The following MFSD11 variants were observed in gnomAD, a reference collection of about 807,000 sequenced individuals.
MFSD11 encodes UNC93-like protein MFSD11.
MFSD11 carries 36 observed loss-of-function variants against 53.5 expected under a neutral mutation model. That is an observed-to-expected ratio of 0.67 (90% CI 0.52 to 0.89). The LOEUF is 0.89. MFSD11 is among the 40% of genes least tolerant of loss of function. The pLI, the probability that MFSD11 is intolerant of heterozygous loss-of-function variation, is 0.00. For synonymous variants in MFSD11, 186 were observed against 184.9 expected (o/e 1.01, Z -0.05); for missense variants, 530 against 543.9 (o/e 0.97, Z 0.25).
chr17:76,803,193 A>C, the MFSD11 span, among the ~76,000 whole-genome samples: 1 of 151,938 alleles, frequency 6.6e-6, no homozygotes, highest in Non-Finnish European at 1.5e-5. Context: ...ACAAAAAAAA[A>C]CCCAAAGCAA....
At chr17:76,794,952 C>G in the MFSD11 span, among the ~76,000 whole-genome samples, 2 of 151,322 alleles carry the variant, frequency 1.3e-5, no homozygotes, top group South Asian at 4.2e-4. Context: ...CCTCGGCCTT[C>G]AAAAGTGATG....
intron 7 of MFSD11, among the ~76,000 whole-genome samples, chr17:76,749,919 T>C (rs1169427361): frequency 1.4e-5 from 2 of 138,800 alleles, no homozygotes; most frequent in African/African-American, 5.4e-5. Flanking sequence ...AGAGAAGCAA[T>C]AGAGAAATAT....
the MFSD11 span, among the ~76,000 whole-genome samples, chr17:76,792,311 G>T: frequency 1.3e-5 from 2 of 151,068 alleles, no homozygotes; most frequent in Admixed American, 1.3e-4. Flanking sequence ...TAGAGAGGGG[G>T]TTTCACTATG....
chr17:76,753,945 T>C lies in MFSD11; in HGVS notation c.642-102T>C, dbSNP rs149998154. 3.9e-4 allele frequency: 367 copies of C among 939,928 alleles called. 3 individuals carry two copies. The Middle Eastern group carries it at 4.1e-3, about 11-fold the overall frequency. The allele number at this position is 939,928 out of a possible 1,614,324, so 58.2% of individuals were successfully genotyped here. A position where few individuals can be genotyped will look rare whatever the true frequency, so the allele number is the denominator to read the frequency against. ...CACTGGGAATGCATCTCAGACCTGG[T>C]ATAGGACAGGGTTTTTACGAACGTA... On this transcript the variant is annotated intron_variant, in intron 7 of 12. Transcript: ENST00000685175.
At chr17:76,787,090 T>C in the MFSD11 span, among the ~76,000 whole-genome samples, 2 of 151,254 alleles carry the variant, frequency 1.3e-5, no homozygotes, top group African/African-American at 4.9e-5. Context: ...TAGGCATGAC[T>C]CTCAGAAACA....
chr17:76,750,908 A>G (rs1392991442), intron 7 of MFSD11, among the ~76,000 whole-genome samples: 2 of 150,308 alleles, frequency 1.3e-5, no homozygotes, highest in African/African-American at 4.9e-5. Context: ...TGTTCAAGTG[A>G]TTCTGCTGCC....
chr17:76,751,828 C>T (rs918828475), intron 7 of MFSD11, among the ~76,000 whole-genome samples: 2 of 151,964 alleles, frequency 1.3e-5, no homozygotes, highest in Non-Finnish European at 2.9e-5. Flanking sequence ...ATGGGTAAGT[C>T]GTAGCATCCC....
At chr17:76,756,017 T>A (rs2079586526) in intron 8 of MFSD11, among the ~76,000 whole-genome samples, 1 of 148,884 alleles carries the variant, frequency 6.7e-6, no homozygotes, top group Admixed American at 6.8e-5. Flanking sequence ...AGAGATGGGA[T>A]TTCTCCACGT....
chr17:76,768,073 C>T (rs11868958), intron 9 of MFSD11, among the ~76,000 whole-genome samples: 14,002 of 151,994 alleles, frequency 0.092, 2,102 homozygotes, highest in African/African-American at 0.31. Flanking sequence ...GAGGCTGAGG[C>T]GGGTGGATTG....
At chr17:76,750,734 A>G (rs1408651915) in intron 7 of MFSD11, among the ~76,000 whole-genome samples, 2 of 149,808 alleles carry the variant, frequency 1.3e-5, no homozygotes, top group Non-Finnish European at 2.9e-5. Flanking sequence ...TCTTCTTTAC[A>G]TTACTTTTTT....
At chr17:76,789,865 T>A in the MFSD11 span, among the ~76,000 whole-genome samples, 2 of 150,434 alleles carry the variant, frequency 1.3e-5, no homozygotes, top group East Asian at 3.9e-4. Flanking sequence ...TAAACCTCTT[T>A]AAATATCTTG....
intron 7 of MFSD11, among the ~76,000 whole-genome samples, chr17:76,746,707 G>T (rs1334990393): frequency 1.3e-5 from 2 of 152,150 alleles, no homozygotes; most frequent in Admixed American, 6.5e-5. Flanking sequence ...TAGCACATTT[G>T]TTTACGGCAT....
the MFSD11 span, among the ~76,000 whole-genome samples, chr17:76,801,308 C>T: frequency 5.6e-5 from 7 of 124,586 alleles, no homozygotes; most frequent in Middle Eastern, 5.6e-3. Flanking sequence ...GAGGTTGCAG[C>T]GATCTGAGAT....
At chr17:76,797,807 C>T in the MFSD11 span, among the ~76,000 whole-genome samples, 1 of 152,078 alleles carries the variant, frequency 6.6e-6, no homozygotes, top group African/African-American at 2.4e-5. Context: ...TCTTACTGAC[C>T]AGCTGTAAAG....
intron 7 of MFSD11, among the ~76,000 whole-genome samples, chr17:76,745,040 C>G (rs937922432): frequency 6.6e-6 from 1 of 152,144 alleles, no homozygotes; most frequent in African/African-American, 2.4e-5. Context: ...TGTAAATTAC[C>G]TAAGCACATT....
intron 8 of MFSD11, among the ~76,000 whole-genome samples, chr17:76,755,666 A>ATATTGTT (rs1181484935): frequency 6.7e-6 from 1 of 149,412 alleles, no homozygotes; most frequent in Non-Finnish European, 1.5e-5. Flanking sequence ...TATACGTAGT[A>ATATTGTT]TATTGTTTCA....
intron 10 of MFSD11, 119 bp downstream of exon 10, chr17:76,769,990 C>A: frequency 1.1e-6 from 1 of 909,744 alleles, no homozygotes; most frequent in Non-Finnish European, 1.7e-6. Flanking sequence ...TATTTTTACC[C>A]AAACGTGTGT....
At chr17:76,798,780 C>T in the MFSD11 span, among the ~76,000 whole-genome samples, 3 of 152,066 alleles carry the variant, frequency 2.0e-5, no homozygotes, top group Non-Finnish European at 4.4e-5. Context: ...GTAATCCCAA[C>T]ACTTTGGGAG....
chr17:76,775,682 A>G lies in MFSD11; in HGVS notation c.1049+511A>G, dbSNP rs146206304. On this transcript the variant is annotated intron_variant, in intron 11 of 12. Coordinates refer to ENST00000685175, the MANE Select transcript of MFSD11 (RefSeq NM_001242532.5). The stretch of plus-strand genomic sequence containing the variant: ...CCAAAAAACTATACAAACTGAGTAT[A>G]TCGCATCTGAAAATCTGAAACTTTT... Among the ~76,000 whole-genome samples the G allele has an allele frequency of 8.8e-3, 1,345 of 152,330 alleles. 19 individuals carry two copies. Among genetic ancestry groups the G allele is most frequent in the African/African-American group, 0.03 (1,247 of 41,568 alleles).
Sources: gnomAD v4.1 joint callset for allele counts (sites outside exome capture counted in the v4.1 genomes callset) on GRCh38, gnomAD v4.1.1 for gene constraint, MANE v1.5 for transcripts, NCBI Gene and HGNC (gene_info 2026-07-23, HGNC 2026-07-21) for gene names.